Variants in IL12A observed in about 807,000 individuals in gnomAD.
The protein encoded by IL12A is interleukin 12A, also known as interleukin-12 subunit alpha.
IL12A carries 16 observed loss-of-function variants against 23.5 expected under a neutral mutation model. That is an observed-to-expected ratio of 0.68 (90% confidence interval 0.46 to 1.03). The LOEUF (loss-of-function observed/expected upper bound fraction) is 1.03. Among genes scored for constraint, IL12A ranks in the 50% least tolerant of loss-of-function variants. The probability of loss-of-function intolerance (pLI) is 0.00; values close to 1 mark genes in which losing one functional copy is unlikely to be tolerated. For synonymous variants in IL12A, 106 were observed against 111.5 expected (o/e 0.95, Z 0.31); for missense variants, 275 against 307.0 (o/e 0.90, Z 0.78).
In IL12A at chr3:159,995,786, CA is replaced by C. The variant is rs1720487111; in HGVS notation, c.*228del. ...AAATATCCATCCTGAAGGTGTTTTTCATTCACTTTAATAGAAGGGCAAATAT... is the reference window on the plus strand; with the variant it reads ...AAATATCCATCCTGAAGGTGTTTTTCTTCACTTTAATAGAAGGGCAAATAT... On this transcript the variant is annotated 3_prime_UTR_variant, in exon 7 of 7. Coordinates refer to ENST00000305579, the MANE Select transcript of IL12A (RefSeq NM_000882.4). 3.0e-6 allele frequency: 1 copy of C among 333,882 alleles called. No homozygotes were observed. Among genetic ancestry groups the C allele is most frequent in the Non-Finnish European group, 5.4e-6 (1 of 186,118 alleles). The allele number at this position is 333,882 out of a possible 1,614,324, so 20.7% of individuals were successfully genotyped here. A position where few individuals can be genotyped will look rare whatever the true frequency, so the allele number is the denominator to read the frequency against.
At chr3:159,993,517 A>G (rs2108046856) in intron 4 of IL12A, 25 bp downstream of exon 4, 1 of 1,613,882 alleles carries the variant, frequency 6.2e-7, no homozygotes, top group Non-Finnish European at 8.5e-7. Flanking sequence ...GAAAAGTTTC[A>G]GCCTGTATGA....
intron 2 of IL12A, among the ~76,000 whole-genome samples, chr3:159,991,857 T>G (rs888365044): frequency 5.9e-5 from 9 of 152,214 alleles, no homozygotes; most frequent in Non-Finnish European, 1.3e-4. Context: ...TGCTGCTCCC[T>G]CTGGACTGAC....
chr3:159,990,295 A>G lies in IL12A; in HGVS notation c.247A>G (p.Ser83Gly), dbSNP rs752042163. 3 of 1,614,152 alleles carry G rather than the reference A, an allele frequency of 1.9e-6. No individual in the cohort carries two copies. The highest frequency in any genetic ancestry group is 2.5e-6 in the Non-Finnish European group (3 of 1,180,002). Residue 83 changes from serine to glycine, a missense_variant, in exon 2 of 7, where the codon AGC (serine) becomes GGC (glycine). Coordinates refer to ENST00000305579, the MANE Select transcript of IL12A (RefSeq NM_000882.4). ...CTCCCAAAACCTGCTGAGGGCCGTC[A>G]GCAACATGCTCCAGAAGGTGAGCCT...
intron 1 of IL12A, among the ~76,000 whole-genome samples, chr3:159,989,503 C>T (rs1042377737): frequency 2.6e-5 from 4 of 152,198 alleles, no homozygotes; most frequent in African/African-American, 9.7e-5. Flanking sequence ...CAGGCTTGGC[C>T]GGGTGCAATG....
At chr3:159,995,179 G>A (rs1472675928) in intron 6 of IL12A, among the ~76,000 whole-genome samples, 1 of 152,150 alleles carries the variant, frequency 6.6e-6, no homozygotes, top group Non-Finnish European at 1.5e-5. Context: ...ATAGTTTTAA[G>A]GGTCTTTTCA....
At chr3:159,991,485 C>A (rs559245329) in intron 2 of IL12A, among the ~76,000 whole-genome samples, 1 of 152,198 alleles carries the variant, frequency 6.6e-6, no homozygotes, top group South Asian at 2.1e-4. Flanking sequence ...TTGAAAAGAT[C>A]TGAAGAACAA....
intron 1 of IL12A, among the ~76,000 whole-genome samples, chr3:159,989,552 C>T (rs1205897504): frequency 6.6e-6 from 1 of 152,148 alleles, no homozygotes. Flanking sequence ...GAGGCCAAGG[C>T]GGACAGATCT....
chr3:159,993,659 C>T, intron 5 of IL12A, 42 bp from the exon 6 acceptor site: 1 of 1,613,976 alleles, frequency 6.2e-7, no homozygotes, highest in Non-Finnish European at 8.5e-7. Context: ...ATGTTTTTAG[C>T]CCATCTCAAT....
chr3:159,990,031 G>C, intron 1 of IL12A, 136 bp from the exon 2 acceptor site: 1 of 818,178 alleles, frequency 1.2e-6, no homozygotes, highest in East Asian at 2.5e-5. Flanking sequence ...GGTGTTGAAG[G>C]AAAAGTGTTG....
chr3:159,990,732 T>G (rs956748589), intron 2 of IL12A, among the ~76,000 whole-genome samples: 7 of 152,206 alleles, frequency 4.6e-5, no homozygotes, highest in African/African-American at 1.4e-4. Context: ...TTGTCCCTCC[T>G]GCTGCCCACC....
intron 6 of IL12A, 55 bp downstream of exon 6, chr3:159,993,899 C>G: frequency 6.3e-7 from 1 of 1,577,504 alleles, no homozygotes; most frequent in Non-Finnish European, 8.7e-7. Context: ...GATAACCAGC[C>G]AGGGTCTTTG....
chr3:159,990,591 C>A (rs1720269906), intron 2 of IL12A, among the ~76,000 whole-genome samples: 1 of 152,172 alleles, frequency 6.6e-6, no homozygotes, highest in South Asian at 2.1e-4. Flanking sequence ...GTTCCTGTAG[C>A]CTGCCAACAG....
At position 159,988,880 on chromosome 3, in the gene IL12A, C is replaced by G. The variant is rs574291445; in HGVS notation, c.-177C>G. 2.0e-4 allele frequency: 119 copies of G among 606,158 alleles called. 1 individual carries two copies. The South Asian group carries it at 2.0e-3, about 10-fold the overall frequency. 37.5% of individuals were successfully genotyped at this position (606,158 alleles called of 1,614,324 possible). A position where few individuals can be genotyped will look rare whatever the true frequency, so the allele number is the denominator to read the frequency against. On this transcript the variant is annotated 5_prime_UTR_variant, in exon 1 of 7. Transcript: ENST00000305579. ...CGAGCTGGAGGCGGCGGGGCCGTCC[C>G]GGAACGGCTGCGGCCGGGCACCCCG... is the stretch of plus-strand genomic sequence containing the variant.
chr3:159,991,404 T>G (rs899845133), intron 2 of IL12A, among the ~76,000 whole-genome samples: 2 of 152,256 alleles, frequency 1.3e-5, no homozygotes, highest in African/African-American at 4.8e-5. Flanking sequence ...TTGGGCTATA[T>G]GTTTATTTTT....
At chr3:159,994,924 A>C (rs1314441610) in intron 6 of IL12A, among the ~76,000 whole-genome samples, 1 of 152,224 alleles carries the variant, frequency 6.6e-6, no homozygotes, top group African/African-American at 2.4e-5. Flanking sequence ...TTCTGTTATC[A>C]AATCAAAGTG....
intron 1 of IL12A, 25 bp from the exon 2 acceptor site, chr3:159,990,142 C>T: frequency 6.2e-7 from 1 of 1,612,506 alleles, no homozygotes; most frequent in Non-Finnish European, 8.5e-7. Flanking sequence ...GCTGAAGCTC[C>T]TCCACCTGCT....
rs151148465 is a variant in IL12A, at chr3:159,993,088, G to A, written c.341G>A (p.Ser114Asn). Residue 114 changes from serine to asparagine, a missense_variant, in exon 3 of 7, where the codon AGC becomes AAC. Physicochemically the swap from Ser to Asn is conservative, Grantham distance 46. Transcript: ENST00000305579. ...GAAGATATCACAAAAGATAAAACCA[G>A]CACAGTGGAGGCCTGTTTACCATTG... 5 of 1,603,784 alleles carry A rather than the reference G, an allele frequency of 3.1e-6. No individual in the cohort carries two copies. The African/African-American group carries it at 5.4e-5, about 17-fold the overall frequency.
chr3:159,993,861 T>G lies in IL12A; in HGVS notation c.606+17T>G. ...CTGATGCAGGTAAGACTTCATTCTATCAGTGAGAGCACCTTTTTCATGCTA... is the reference window on the plus strand; with the variant it reads ...CTGATGCAGGTAAGACTTCATTCTAGCAGTGAGAGCACCTTTTTCATGCTA... On this transcript the variant is annotated intron_variant, in intron 6 of 6. Coordinates refer to ENST00000305579, the MANE Select transcript of IL12A (RefSeq NM_000882.4). 6.2e-7 allele frequency: 1 copy of G among 1,613,138 alleles called. No homozygotes were observed. Among genetic ancestry groups the G allele is most frequent in the South Asian group, 1.1e-5 (1 of 91,012 alleles).
In IL12A at chr3:159,989,012, C is replaced by T. The variant is rs1306870215; in HGVS notation, c.-45C>T. On this transcript the variant is annotated 5_prime_UTR_variant, in exon 1 of 7. Transcript: ENST00000305579. The stretch of plus-strand genomic sequence containing the variant: ...CAGAAGGAGACAGAAAGCAAGAGAC[C>T]AGAGTCCCGGGAAAGTCCTGCCGCG... The T allele has an allele frequency of 1.5e-5, 22 of 1,437,328 alleles. No individual in the cohort carries two copies. The highest frequency in any genetic ancestry group is 5.0e-5 in the Admixed American group (3 of 59,742). The allele number at this position is 1,437,328 out of a possible 1,614,324, so 89.0% of individuals were successfully genotyped here.
Sources: gnomAD v4.1 joint callset for allele counts (sites outside exome capture counted in the v4.1 genomes callset) on GRCh38, gnomAD v4.1.1 for gene constraint, MANE v1.5 for transcripts, NCBI Gene and HGNC (gene_info 2026-07-23, HGNC 2026-07-21) for gene names.